The following MACROD2 variants were observed in gnomAD, a reference collection of about 807,000 sequenced individuals.
MACROD2 encodes ADP-ribose glycohydrolase MACROD2.
MACROD2 carries 36 observed loss-of-function variants against 70.4 expected under a neutral mutation model. The observed-to-expected ratio is 0.51, with a 90% CI of 0.39 to 0.68. The LOEUF is 0.68. Ranked by LOEUF, MACROD2 falls within the 30% of genes least tolerant of loss-of-function variation. The probability of loss-of-function intolerance (pLI) is 0.00; values close to 1 mark genes in which losing one functional copy is unlikely to be tolerated. For synonymous variants in MACROD2, 172 were observed against 178.8 expected, an observed-to-expected ratio of 0.96 and a Z score of 0.30; for missense variants, 496 against 538.4, an observed-to-expected ratio of 0.92 and a Z score of 0.78.
At chr20:15,519,055 T>TTCCTTCCTTCC (rs2047608581) in intron 8 of MACROD2, among the ~76,000 whole-genome samples, 1 of 116,340 alleles carries the variant, frequency 8.6e-6, no homozygotes, top group Admixed American at 9.1e-5. Flanking sequence ...TAACTCGCTC[T>TTCCTTCCTTCC]TTCCTTCCTT....
chr20:14,340,638 C>T (rs204610), intron 3 of MACROD2, among the ~76,000 whole-genome samples: 3,744 of 152,098 alleles, frequency 0.025, 83 homozygotes, highest in African/African-American at 0.06. Context: ...CAGAACTTAA[C>T]ACTTAGTTGG....
chr20:14,741,285 C>T (rs780285301), intron 5 of MACROD2, among the ~76,000 whole-genome samples: 5 of 152,164 alleles, frequency 3.3e-5, no homozygotes, highest in Non-Finnish European at 7.4e-5. Context: ...ATCATGTTCA[C>T]TTGCCTACAG....
intron 5 of MACROD2, among the ~76,000 whole-genome samples, chr20:15,092,706 A>G (rs970325910): frequency 6.6e-5 from 10 of 152,142 alleles, no homozygotes; most frequent in Non-Finnish European, 1.3e-4. Context: ...ATTTGGAGAA[A>G]AAATATAAAT....
At chr20:15,949,019 T>A (rs928691486) in intron 12 of MACROD2, among the ~76,000 whole-genome samples, 11 of 152,200 alleles carry the variant, frequency 7.2e-5, no homozygotes, top group Admixed American at 1.3e-4. Flanking sequence ...CTTGTGATAA[T>A]TTTCAAATTT....
intron 5 of MACROD2, among the ~76,000 whole-genome samples, chr20:14,953,410 C>G (rs2122737021): frequency 6.6e-6 from 1 of 152,140 alleles, no homozygotes. Flanking sequence ...GGGTTCACGC[C>G]ATTCTCCTGT....
intron 3 of MACROD2, among the ~76,000 whole-genome samples, chr20:14,218,573 G>A (rs1186145090): frequency 6.6e-6 from 1 of 151,930 alleles, no homozygotes; most frequent in African/African-American, 2.4e-5. Flanking sequence ...TGTGTACTTT[G>A]GTTTTTTGTT....
intron 4 of MACROD2, among the ~76,000 whole-genome samples, chr20:14,624,648 A>T (rs1984028977): frequency 6.6e-6 from 1 of 152,226 alleles, no homozygotes; most frequent in Non-Finnish European, 1.5e-5. Context: ...GATTGAACAC[A>T]GCAAAGGCCA....
intron 15 of MACROD2, among the ~76,000 whole-genome samples, chr20:16,016,070 TCC>T (rs1451109037): frequency 6.6e-6 from 1 of 152,150 alleles, no homozygotes; most frequent in African/African-American, 2.4e-5. Context: ...GTCCTGATTA[TCC>T]AATCAGGACT....
At chr20:14,072,842 G>A (rs2053865504) in intron 2 of MACROD2, among the ~76,000 whole-genome samples, 1 of 151,466 alleles carries the variant, frequency 6.6e-6, no homozygotes, top group Non-Finnish European at 1.5e-5. Context: ...GCTGAGGCAG[G>A]ATAATGGCGT....
chr20:15,844,728 G>T (rs1195837715), intron 8 of MACROD2, among the ~76,000 whole-genome samples: 1 of 152,090 alleles, frequency 6.6e-6, no homozygotes, highest in East Asian at 1.9e-4. Flanking sequence ...TTTGCAGAAT[G>T]AATGTATACA....
chr20:15,227,316 G>T (rs1170711476), intron 5 of MACROD2, among the ~76,000 whole-genome samples: 1 of 151,858 alleles, frequency 6.6e-6, no homozygotes, highest in Non-Finnish European at 1.5e-5. Flanking sequence ...TACACTTATG[G>T]GCTTTTCTCT....
chr20:15,474,682 G>A (rs2046999207), intron 7 of MACROD2, among the ~76,000 whole-genome samples: 7 of 152,204 alleles, frequency 4.6e-5, no homozygotes, highest in Admixed American at 4.6e-4. Flanking sequence ...GGGAACAGAG[G>A]CAACCCCATA....
intron 5 of MACROD2, among the ~76,000 whole-genome samples, chr20:14,875,152 G>T (rs2073535317): frequency 6.6e-6 from 1 of 152,020 alleles, no homozygotes; most frequent in Admixed American, 6.6e-5. Context: ...GGAGGCTGAG[G>T]TGGGCGGATC....
intron 4 of MACROD2, among the ~76,000 whole-genome samples, chr20:14,534,527 A>C (rs1215338544): frequency 6.6e-6 from 1 of 152,202 alleles, no homozygotes; most frequent in Non-Finnish European, 1.5e-5. Context: ...ATCAATGAAT[A>C]ATCTCGTTGA....
intron 5 of MACROD2, among the ~76,000 whole-genome samples, chr20:14,826,531 T>C (rs1287113479): frequency 6.6e-6 from 1 of 152,140 alleles, no homozygotes; most frequent in Non-Finnish European, 1.5e-5. Flanking sequence ...CTCCAGACCC[T>C]AATAGTCTAT....
chr20:14,634,425 G>A (rs765521738), intron 4 of MACROD2, among the ~76,000 whole-genome samples: 1 of 152,120 alleles, frequency 6.6e-6, no homozygotes, highest in Non-Finnish European at 1.5e-5. Flanking sequence ...TTTTCACATC[G>A]ATTTGTATAT....
chr20:14,890,412 A>G (rs1022263574), intron 5 of MACROD2, among the ~76,000 whole-genome samples: 1 of 152,110 alleles, frequency 6.6e-6, no homozygotes, highest in Non-Finnish European at 1.5e-5. Flanking sequence ...GAAAACCAAG[A>G]GAAGATGCTA....
chr20:14,324,470 TAC>T (rs2082703474), intron 3 of MACROD2: 1 of 152,628 alleles, frequency 6.6e-6, no homozygotes, highest in African/African-American at 2.4e-5. Flanking sequence ...AACATTTATG[TAC>T]AGTGTTAAAA....
intron 8 of MACROD2, among the ~76,000 whole-genome samples, chr20:15,748,460 CT>C (rs1207327691): frequency 6.6e-6 from 1 of 151,594 alleles, no homozygotes; most frequent in Non-Finnish European, 1.5e-5. Flanking sequence ...CTATTATCCC[CT>C]CGGATTTGGG....
Sources: gnomAD v4.1 joint callset for allele counts (sites outside exome capture counted in the v4.1 genomes callset) on GRCh38, gnomAD v4.1.1 for gene constraint, MANE v1.5 for transcripts, NCBI Gene and HGNC (gene_info 2026-07-23, HGNC 2026-07-21) for gene names.